The following FOXJ3 variants were observed in gnomAD, a reference collection of about 807,000 sequenced individuals.
The protein encoded by FOXJ3 is forkhead box J3.
Under a neutral mutation model 76.1 loss-of-function variants are expected in FOXJ3, and 22 were observed. The ratio of observed to expected loss-of-function variants is 0.29; its 90% CI spans 0.21 to 0.41. The LOEUF is 0.41. FOXJ3 is among the 10% of genes least tolerant of loss of function. FOXJ3 has a pLI of 1.00. For missense variants in FOXJ3, 613 were observed against 762.1 expected (o/e 0.80, Z 2.30); for synonymous variants, 269 against 261.2 (o/e 1.03, Z -0.29).
intron 5 of FOXJ3, among the ~76,000 whole-genome samples, chr1:42,210,812 C>A (rs1185605027): frequency 6.6e-6 from 1 of 152,138 alleles, no homozygotes; most frequent in Admixed American, 6.5e-5. Flanking sequence ...ATCACTGAAT[C>A]CCTTGCATAC....
intron 2 of FOXJ3, among the ~76,000 whole-genome samples, chr1:42,289,572 T>C (rs936554102): frequency 1.3e-5 from 2 of 152,148 alleles, no homozygotes; most frequent in Admixed American, 6.5e-5. Flanking sequence ...TTCAGTTCTA[T>C]GCTGTGGATT....
intron 7 of FOXJ3, among the ~76,000 whole-genome samples, chr1:42,197,847 A>G (rs1385918811): frequency 6.6e-6 from 1 of 152,160 alleles, no homozygotes; most frequent in East Asian, 1.9e-4. Context: ...TATGTTGGCC[A>G]GGCTGATATC....
At position 42,179,627 on chromosome 1, in the gene FOXJ3, T is replaced by C; in HGVS notation, c.*83A>G. On this transcript the variant is annotated 3_prime_UTR_variant, in exon 13 of 13. Transcript: ENST00000361346. Reference sequence around the variant, plus strand: ...TTGGTAAAGTGATTAGCAAGTTTGTTTTCTCAACTGGATTCTCTTAAACCT... The same window carrying C: ...TTGGTAAAGTGATTAGCAAGTTTGTCTTCTCAACTGGATTCTCTTAAACCT... 1.2e-6 allele frequency: 1 copy of C among 818,608 alleles called. No homozygotes were observed. The highest frequency in any genetic ancestry group is 2.0e-6 in the Non-Finnish European group (1 of 491,148). 50.7% of individuals were successfully genotyped at this position (818,608 alleles called of 1,614,324 possible).
chr1:42,262,203 A>G (rs1189426305), intron 4 of FOXJ3, among the ~76,000 whole-genome samples: 1 of 152,236 alleles, frequency 6.6e-6, no homozygotes, highest in African/African-American at 2.4e-5. Flanking sequence ...TCCTGGTGAT[A>G]TAATTTAAGA....
chr1:42,228,860 T>C (rs746731106), intron 4 of FOXJ3, among the ~76,000 whole-genome samples: 5 of 152,086 alleles, frequency 3.3e-5, no homozygotes, highest in African/African-American at 1.2e-4. Context: ...AGAAACACAA[T>C]GTATATCCTA....
chr1:42,236,771 C>T (rs1008127046), intron 4 of FOXJ3, among the ~76,000 whole-genome samples: 3 of 152,172 alleles, frequency 2.0e-5, no homozygotes, highest in East Asian at 1.9e-4. Flanking sequence ...TTTCCACTCT[C>T]GACAGCAGTG....
At chr1:42,311,016 T>C (rs900646201) in intron 2 of FOXJ3, 34 bp downstream of exon 2, 10 of 1,368,350 alleles carry the variant, frequency 7.3e-6, no homozygotes, top group Non-Finnish European at 1.0e-5. Flanking sequence ...AAATGTTATA[T>C]GTTCTAATAA....
intron 4 of FOXJ3, among the ~76,000 whole-genome samples, chr1:42,230,521 CAT>C (rs1244181783): frequency 6.6e-6 from 1 of 152,142 alleles, no homozygotes; most frequent in Non-Finnish European, 1.5e-5. Context: ...TGTTTATACA[CAT>C]AGTTTGAAGG....
intron 2 of FOXJ3, among the ~76,000 whole-genome samples, chr1:42,310,716 C>A (rs1654754799): frequency 6.6e-6 from 1 of 152,164 alleles, no homozygotes. Context: ...TCCCAAAATG[C>A]TGGGAGTACA....
At chr1:42,215,379 TAAGTA>T (rs1247075771) in intron 5 of FOXJ3, among the ~76,000 whole-genome samples, 2 of 151,774 alleles carry the variant, frequency 1.3e-5, no homozygotes, top group African/African-American at 4.8e-5. Flanking sequence ...TGGAAATGAA[TAAGTA>T]AAGAATCAGT....
chr1:42,329,595 A>T (rs1656034801), intron 1 of FOXJ3, among the ~76,000 whole-genome samples: 1 of 152,228 alleles, frequency 6.6e-6, no homozygotes, highest in African/African-American at 2.4e-5. Context: ...TAGCTGTCTC[A>T]AGCCAAGGTT....
chr1:42,268,220 C>T (rs562393051), intron 3 of FOXJ3, among the ~76,000 whole-genome samples: 1 of 151,600 alleles, frequency 6.6e-6, no homozygotes, highest in Non-Finnish European at 1.5e-5. Flanking sequence ...CCAGAGAAAG[C>T]AGATTATATA....
At position 42,331,691 on chromosome 1, in the gene FOXJ3, C is replaced by CT. The variant is rs575398594; in HGVS notation, c.-18+3367dup. 3.0e-4 allele frequency among the ~76,000 whole-genome samples: 46 copies of CT among 151,786 alleles called. 1 individual carries two copies. The South Asian group carries it at 8.1e-3, about 27-fold the overall frequency. On this transcript the variant is annotated intron_variant, in intron 1 of 12. Transcript: ENST00000361346. The stretch of plus-strand genomic sequence containing the variant: ...GGAGTGACTGCCAATGGGTACAAGG[C>CT]TTTTTTTTGAAATGCTGTCCTAAAA...
chr1:42,209,481 T>C (rs1478162121), intron 5 of FOXJ3, among the ~76,000 whole-genome samples: 3 of 152,180 alleles, frequency 2.0e-5, no homozygotes, highest in East Asian at 1.9e-4. Flanking sequence ...GCCTACACCA[T>C]GAAACAGGTA....
At chr1:42,196,563 C>T (rs1646655091) in intron 7 of FOXJ3, among the ~76,000 whole-genome samples, 2 of 152,142 alleles carry the variant, frequency 1.3e-5, no homozygotes, top group Non-Finnish European at 2.9e-5. Flanking sequence ...TGTGGTGGCT[C>T]ACGCCTGCAA....
intron 2 of FOXJ3, among the ~76,000 whole-genome samples, chr1:42,307,945 A>T (rs1654566478): frequency 6.6e-6 from 1 of 152,236 alleles, no homozygotes; most frequent in South Asian, 2.1e-4. Context: ...CACAGAAAAC[A>T]ATACTTGTTT....
chr1:42,227,818 T>C, intron 5 of FOXJ3, 65 bp downstream of exon 5: 1 of 875,892 alleles, frequency 1.1e-6, no homozygotes, highest in Non-Finnish European at 1.8e-6. Flanking sequence ...GGAAAAGAAC[T>C]TTCAAAATCT....
intron 4 of FOXJ3, among the ~76,000 whole-genome samples, chr1:42,239,378 C>T (rs1457503065): frequency 6.6e-6 from 1 of 152,126 alleles, no homozygotes. Context: ...ATAAATGCGT[C>T]TCATCAAGTT....
chr1:42,188,462 T>C (rs1646480474), intron 11 of FOXJ3, among the ~76,000 whole-genome samples: 1 of 152,234 alleles, frequency 6.6e-6, no homozygotes, highest in Non-Finnish European at 1.5e-5. Flanking sequence ...ATATTTCTTG[T>C]TTGATAACTT....
Sources: gnomAD v4.1 joint callset for allele counts (sites outside exome capture counted in the v4.1 genomes callset) on GRCh38, gnomAD v4.1.1 for gene constraint, MANE v1.5 for transcripts, NCBI Gene and HGNC (gene_info 2026-07-23, HGNC 2026-07-21) for gene names.